PCDH15: variants seen among roughly 807,000 people sequenced by gnomAD.
PCDH15 encodes the protein protocadherin-15.
PCDH15 carries 129 observed loss-of-function variants against 178.5 expected under a neutral mutation model. The ratio of observed to expected loss-of-function variants is 0.72; its 90% CI spans 0.63 to 0.84. PCDH15 has a LOEUF of 0.84. Ranked by LOEUF, PCDH15 falls within the 40% of genes least tolerant of loss-of-function variation. The probability of loss-of-function intolerance (pLI) is 0.00; values close to 1 mark genes in which losing one functional copy is unlikely to be tolerated. For synonymous variants in PCDH15, 800 were observed against 732.0 expected, an observed-to-expected ratio of 1.09 and a Z score of -1.50; for missense variants, 2,230 against 2,099.9, an observed-to-expected ratio of 1.06 and a Z score of -1.21.
chr10:55,427,894 T>C (rs889381314), intron 2 of PCDH15, among the ~76,000 whole-genome samples: 2 of 152,108 alleles, frequency 1.3e-5, no homozygotes, highest in Non-Finnish European at 2.9e-5. Context: ...TTTTAAAGAA[T>C]ACAATTTTGG....
intron 9 of PCDH15, among the ~76,000 whole-genome samples, chr10:54,230,043 T>C (rs1279776620): frequency 6.6e-6 from 1 of 152,222 alleles, no homozygotes; most frequent in Non-Finnish European, 1.5e-5. Flanking sequence ...TTTCTACTGA[T>C]TCAGTTCTGG....
At chr10:54,870,318 G>A (rs11004611) in intron 3 of PCDH15, among the ~76,000 whole-genome samples, 17,245 of 152,190 alleles carry the variant, frequency 0.11, 1,335 homozygotes, top group East Asian at 0.24. Flanking sequence ...ATTTTAACAG[G>A]TCCCTCATGT....
At chr10:55,184,781 T>C (rs181208424) in intron 1 of PCDH15, among the ~76,000 whole-genome samples, 206 of 152,092 alleles carry the variant, frequency 1.4e-3, no homozygotes, top group African/African-American at 4.8e-3. Flanking sequence ...TTTTTTATTC[T>C]AAGATTTATG....
chr10:55,050,600 A>G (rs936337866), intron 2 of PCDH15, among the ~76,000 whole-genome samples: 12 of 152,164 alleles, frequency 7.9e-5, no homozygotes, highest in Admixed American at 2.6e-4. Context: ...ACGCTGTCCT[A>G]TGAGCTTTAT....
chr10:54,960,944 A>G (rs1299708319), intron 2 of PCDH15, among the ~76,000 whole-genome samples: 3 of 152,242 alleles, frequency 2.0e-5, no homozygotes, highest in African/African-American at 4.8e-5. Context: ...CTGCAGGCCA[A>G]TCACAAGGAA....
chr10:55,492,218 C>CA (rs901193706), intron 2 of PCDH15, among the ~76,000 whole-genome samples: 26 of 147,950 alleles, frequency 1.8e-4, no homozygotes, highest in South Asian at 4.3e-4. Context: ...GACCATACAG[C>CA]AAAAAAAAAG....
At chr10:54,195,623 C>A in intron 11 of PCDH15, 60 bp downstream of exon 11, 1 of 1,386,620 alleles carries the variant, frequency 7.2e-7, no homozygotes, top group Non-Finnish European at 1.0e-6. Flanking sequence ...GTCATATTTC[C>A]CATTAATGGA....
chr10:55,369,121 A>T (rs540718247), intron 2 of PCDH15, among the ~76,000 whole-genome samples: 1 of 151,104 alleles, frequency 6.6e-6, no homozygotes, highest in African/African-American at 2.4e-5. Flanking sequence ...TTCTATTCAT[A>T]TTTCTCACAG....
intron 1 of PCDH15, among the ~76,000 whole-genome samples, chr10:54,768,741 G>A (rs1948776191): frequency 1.3e-5 from 2 of 152,072 alleles, no homozygotes; most frequent in Admixed American, 1.3e-4. Context: ...ATCACATATA[G>A]CATGAAACCC....
At chr10:55,197,720 T>C (rs1840132226) in intron 1 of PCDH15, among the ~76,000 whole-genome samples, 1 of 152,098 alleles carries the variant, frequency 6.6e-6, no homozygotes, top group Non-Finnish European at 1.5e-5. Flanking sequence ...AGCAAGTGTT[T>C]ATTCCTGGTA....
intron 17 of PCDH15, among the ~76,000 whole-genome samples, chr10:54,071,393 G>A (rs555021028): frequency 1.5e-4 from 23 of 152,178 alleles, no homozygotes; most frequent in Admixed American, 4.6e-4. Flanking sequence ...GTAATACTAC[G>A]AATTTAATAA....
intron 2 of PCDH15, among the ~76,000 whole-genome samples, chr10:55,454,439 T>G (rs1839503765): frequency 6.6e-6 from 1 of 151,998 alleles, no homozygotes; most frequent in Non-Finnish European, 1.5e-5. Flanking sequence ...TAATATCCTA[T>G]GTAATTGCCT....
chr10:55,236,872 A>G (rs1021061210), intron 1 of PCDH15, among the ~76,000 whole-genome samples: 3 of 151,948 alleles, frequency 2.0e-5, no homozygotes, highest in Non-Finnish European at 4.4e-5. Flanking sequence ...AAATACTAAT[A>G]TAATTGATTG....
At chr10:53,871,702 C>G (rs996405101) in intron 26 of PCDH15, among the ~76,000 whole-genome samples, 26 of 151,894 alleles carry the variant, frequency 1.7e-4, no homozygotes, top group African/African-American at 5.8e-4. Context: ...TTTTCCAGCT[C>G]TCCTTTATTG....
intron 2 of PCDH15, among the ~76,000 whole-genome samples, chr10:55,146,085 T>A (rs1408243206): frequency 2.6e-5 from 4 of 151,966 alleles, no homozygotes; most frequent in Non-Finnish European, 4.4e-5. Flanking sequence ...TACGGAAAAG[T>A]CCGCTTCTTT....
intron 26 of PCDH15, among the ~76,000 whole-genome samples, chr10:53,870,898 T>A (rs1287317394): frequency 6.6e-6 from 1 of 152,178 alleles, no homozygotes; most frequent in Non-Finnish European, 1.5e-5. Context: ...TGGGTCAATA[T>A]GTGAAAAATA....
chr10:54,185,511 A>C (rs1289301857), intron 11 of PCDH15, among the ~76,000 whole-genome samples: 1 of 152,098 alleles, frequency 6.6e-6, no homozygotes, highest in African/African-American at 2.4e-5. Context: ...TGTGGGAAAA[A>C]AGGAAAAATA....
At chr10:54,312,483 G>T (rs979873029) in intron 8 of PCDH15, among the ~76,000 whole-genome samples, 1 of 152,104 alleles carries the variant, frequency 6.6e-6, no homozygotes, top group Admixed American at 6.6e-5. Context: ...AACTGGCAGA[G>T]ATTTGACTAC....
chr10:55,487,733 G>C (rs1840325296), intron 2 of PCDH15, among the ~76,000 whole-genome samples: 1 of 151,510 alleles, frequency 6.6e-6, no homozygotes. Flanking sequence ...ATCACCAATA[G>C]CATATATTTG....
Sources: gnomAD v4.1 joint callset for allele counts (sites outside exome capture counted in the v4.1 genomes callset) on GRCh38, gnomAD v4.1.1 for gene constraint, MANE v1.5 for transcripts, NCBI Gene and HGNC (gene_info 2026-07-23, HGNC 2026-07-21) for gene names.